The following TCF4 variants were observed in gnomAD, a reference collection of about 807,000 sequenced individuals.
TCF4 encodes transcription factor 4, also known as SL3-3 enhancer factor 2.
Under a neutral mutation model 82.1 loss-of-function variants are expected in TCF4, and 3 were observed. That is an observed-to-expected ratio of 0.04 (90% CI 0.02 to 0.09). The LOEUF is 0.09. TCF4 is among the 10% of genes least tolerant of loss of function. TCF4 has a pLI of 1.00. For synonymous variants in TCF4, 276 were observed against 309.6 expected, an observed-to-expected ratio of 0.89 and a Z score of 1.14; for missense variants, 518 against 852.7, an observed-to-expected ratio of 0.61 and a Z score of 4.89.
intron 8 of TCF4, among the ~76,000 whole-genome samples, chr18:55,309,874 T>G (rs1416796646): frequency 1.3e-5 from 2 of 152,140 alleles, no homozygotes; most frequent in African/African-American, 2.4e-5. Flanking sequence ...AGGTCAATAC[T>G]CCCTCAAATA....
At chr18:55,493,198 A>G (rs1197604192) in intron 3 of TCF4, among the ~76,000 whole-genome samples, 1 of 152,210 alleles carries the variant, frequency 6.6e-6, no homozygotes, top group African/African-American at 2.4e-5. Flanking sequence ...CTATTTTAAA[A>G]AACAAGAAAC....
At chr18:55,250,696 A>G (rs1330210920) in intron 15 of TCF4, among the ~76,000 whole-genome samples, 1 of 152,188 alleles carries the variant, frequency 6.6e-6, no homozygotes, top group East Asian at 1.9e-4. Context: ...CACTCACAGA[A>G]TGTTAAGTTT....
intron 6 of TCF4, among the ~76,000 whole-genome samples, chr18:55,356,703 C>T (rs1038757806): frequency 2.6e-5 from 4 of 152,000 alleles, no homozygotes; most frequent in Non-Finnish European, 5.9e-5. Context: ...TTGCCACTTA[C>T]GAGGGTAATT....
intron 3 of TCF4, among the ~76,000 whole-genome samples, chr18:55,472,863 A>C (rs974039176): frequency 6.6e-6 from 1 of 152,224 alleles, no homozygotes; most frequent in African/African-American, 2.4e-5. Context: ...TCCTAAAGAC[A>C]TATCACCTTC....
rs1245805869 is a variant in TCF4 at position 55,227,411 on chromosome 18, T to C, written c.*624A>G. ...ATATATATATTTATATATATATTTG[T>C]CATAGGTCTATAAGATCCATCTGTT... is the stretch of plus-strand genomic sequence containing the variant. On this transcript the variant is annotated 3_prime_UTR_variant, in exon 20 of 20. Coordinates refer to ENST00000354452, the MANE Select transcript of TCF4 (RefSeq NM_001083962.2). 1.3e-5 allele frequency: 2 copies of C among 150,174 alleles called. No individual in the cohort carries two copies. Among genetic ancestry groups the C allele is most frequent in the African/African-American group, 4.9e-5 (2 of 41,054 alleles). 9.3% of individuals were successfully genotyped at this position (150,174 alleles called of 1,614,324 possible). A position where few individuals can be genotyped will look rare whatever the true frequency, so the allele number is the denominator to read the frequency against.
chr18:55,342,312 T>G (rs1255245460), intron 8 of TCF4, among the ~76,000 whole-genome samples: 1 of 152,144 alleles, frequency 6.6e-6, no homozygotes, highest in African/African-American at 2.4e-5. Flanking sequence ...CTGTTATCAA[T>G]TAAGCCACAG....
intron 2 of TCF4, among the ~76,000 whole-genome samples, chr18:55,621,845 AATGT>A (rs201584798): frequency 0.54 from 52,021 of 97,028 alleles, 16,192 homozygotes; most frequent in South Asian, 0.67. Flanking sequence ...CACTATATAC[AATGT>A]ATGTATTATA....
At position 55,363,570 on chromosome 18, in the gene TCF4, G is replaced by A. The variant is rs147101293; in HGVS notation, c.370-12567C>T. On this transcript the variant is annotated intron_variant, in intron 6 of 19. Coordinates refer to ENST00000354452, the MANE Select transcript of TCF4 (RefSeq NM_001083962.2). ...TGTAATCTCAGCACTTTGGGAGGCC[G>A]AGGCAGGTGGATCATTTGAGGTTAG... 7.3e-3 allele frequency among the ~76,000 whole-genome samples: 1,110 copies of A among 152,226 alleles called. 16 individuals are homozygous for A. Among genetic ancestry groups the A allele is most frequent in the African/African-American group, 0.025 (1,058 of 41,534 alleles).
intron 3 of TCF4, among the ~76,000 whole-genome samples, chr18:55,548,061 C>G (rs1471993355): frequency 6.6e-6 from 1 of 152,198 alleles, no homozygotes; most frequent in African/African-American, 2.4e-5. Flanking sequence ...CTGAACAAGT[C>G]TGAGTGATGC....
chr18:55,452,882 C>T (rs191060901), intron 5 of TCF4, among the ~76,000 whole-genome samples: 193 of 152,324 alleles, frequency 1.3e-3, no homozygotes, highest in African/African-American at 3.9e-3. Flanking sequence ...TTTCCTACTC[C>T]ATCTTCCTCT....
At chr18:55,517,459 A>C (rs1249495104) in intron 3 of TCF4, among the ~76,000 whole-genome samples, 1 of 152,144 alleles carries the variant, frequency 6.6e-6, no homozygotes, top group Non-Finnish European at 1.5e-5. Context: ...CAACTGGCTG[A>C]GCTCAGTCCA....
At chr18:55,616,129 C>T (rs2097711620) in intron 2 of TCF4, among the ~76,000 whole-genome samples, 1 of 152,046 alleles carries the variant, frequency 6.6e-6, no homozygotes, top group African/African-American at 2.4e-5. Context: ...CATCAGTTCC[C>T]CATTACTTTC....
intron 5 of TCF4, among the ~76,000 whole-genome samples, chr18:55,426,517 T>A (rs2094989159): frequency 6.6e-6 from 1 of 152,160 alleles, no homozygotes; most frequent in Non-Finnish European, 1.5e-5. Flanking sequence ...CCTTTTAAAA[T>A]TCCTGGTACC....
intron 8 of TCF4, among the ~76,000 whole-genome samples, chr18:55,331,306 A>G (rs1172658889): frequency 5.3e-5 from 8 of 152,210 alleles, no homozygotes; most frequent in Admixed American, 3.3e-4. Flanking sequence ...AGTCACTTCC[A>G]GATAAGGACT....
chr18:55,563,106 G>T (rs987369111), intron 3 of TCF4, among the ~76,000 whole-genome samples: 2 of 151,914 alleles, frequency 1.3e-5, no homozygotes, highest in Admixed American at 1.3e-4. Flanking sequence ...AGCTGTGGTG[G>T]TGCACTCCTG....
rs2046788196 is a variant in TCF4, at chr18:55,227,793, AATGAT to A, written c.*237_*241del. 1 of 231,512 alleles carries A rather than the reference AATGAT, an allele frequency of 4.3e-6. No homozygotes were observed. Among genetic ancestry groups the A allele is most frequent in the South Asian group, 5.7e-5 (1 of 17,428 alleles). The allele number at this position is 231,512 out of a possible 1,614,324, so 14.3% of individuals were successfully genotyped here. ...TGTACATACTGCTTTGCACATTCTG[AATGAT>A]ATGTTAAAGAAAGTCGTCCCTCAAG... On this transcript the variant is annotated 3_prime_UTR_variant, in exon 20 of 20. Coordinates refer to ENST00000354452, the MANE Select transcript of TCF4 (RefSeq NM_001083962.2).
At chr18:55,425,277 G>A (rs187327294) in intron 5 of TCF4, among the ~76,000 whole-genome samples, 73 of 151,964 alleles carry the variant, frequency 4.8e-4, no homozygotes, top group African/African-American at 1.7e-3. Context: ...TGAAAGCTTT[G>A]TCTCTTAGCA....
intron 3 of TCF4, among the ~76,000 whole-genome samples, chr18:55,574,832 G>A (rs1193305573): frequency 6.6e-6 from 1 of 151,526 alleles, no homozygotes; most frequent in Non-Finnish European, 1.5e-5. Context: ...ATGAATGAGT[G>A]GACGAATGAA....
At position 55,622,282 on chromosome 18, in the gene TCF4, G is replaced by C. The variant is rs943590983; in HGVS notation, c.286+9016C>G. 2.7e-5 allele frequency among the ~76,000 whole-genome samples: 4 copies of C among 150,732 alleles called. No homozygotes were observed. The Admixed American group carries it at 2.7e-4, about 10-fold the overall frequency. On this transcript the variant is annotated intron_variant, in intron 2 of 20. Transcript: ENST00000398339. ...CCAGCACTTTGGGAGGCCAAGGTGG[G>C]CAGATCACGAGGTCAGGAGATCGAG... is the stretch of plus-strand genomic sequence containing the variant.
Sources: gnomAD v4.1 joint callset for allele counts (sites outside exome capture counted in the v4.1 genomes callset) on GRCh38, gnomAD v4.1.1 for gene constraint, MANE v1.5 for transcripts, NCBI Gene and HGNC (gene_info 2026-07-23, HGNC 2026-07-21) for gene names.